Variants in SMYD3 observed in about 807,000 individuals in gnomAD.
SMYD3 encodes SET and MYND domain containing 3, also known as histone-lysine N-methyltransferase SMYD3.
SMYD3 carries 36 observed loss-of-function variants against 57.7 expected under a neutral mutation model. That is an observed-to-expected ratio of 0.62 (90% CI 0.48 to 0.82). The LOEUF (loss-of-function observed/expected upper bound fraction) is 0.82, where lower values mean the gene tolerates loss of function less well. Among genes scored for constraint, SMYD3 ranks in the 40% least tolerant of loss-of-function variants. The probability of loss-of-function intolerance (pLI) is 0.00; values close to 1 mark genes in which losing one functional copy is unlikely to be tolerated. For missense variants in SMYD3, 515 were observed against 538.8 expected (o/e 0.96, Z 0.44); for synonymous variants, 211 against 195.0 (o/e 1.08, Z -0.68).
At chr1:246,085,339 A>T (rs572196074) in intron 5 of SMYD3, among the ~76,000 whole-genome samples, 11 of 152,308 alleles carry the variant, frequency 7.2e-5, no homozygotes, top group African/African-American at 2.6e-4. Flanking sequence ...GGGGTCCAAG[A>T]CATCCTACCC....
chr1:245,755,229 T>TC (rs1385612567), intron 11 of SMYD3, among the ~76,000 whole-genome samples: 1 of 152,254 alleles, frequency 6.6e-6, no homozygotes, highest in Non-Finnish European at 1.5e-5. Context: ...GTTACTGATT[T>TC]CTAATTTAAT....
intron 1 of SMYD3, among the ~76,000 whole-genome samples, chr1:246,412,328 C>T (rs1256713885): frequency 6.6e-6 from 1 of 152,164 alleles, no homozygotes; most frequent in East Asian, 1.9e-4. Flanking sequence ...TTACTTTCTT[C>T]CCTCTTGGCT....
intron 5 of SMYD3, among the ~76,000 whole-genome samples, chr1:246,303,360 C>T (rs2064925918): frequency 6.6e-6 from 1 of 152,122 alleles, no homozygotes; most frequent in Non-Finnish European, 1.5e-5. Flanking sequence ...ATACATTCCT[C>T]CCTCAGTATT....
chr1:245,973,531 G>C (rs1315272119), intron 5 of SMYD3, among the ~76,000 whole-genome samples: 2 of 152,208 alleles, frequency 1.3e-5, no homozygotes, highest in Non-Finnish European at 2.9e-5. Context: ...GTAGCTTATT[G>C]TGTACATGTG....
chr1:245,817,943 G>T (rs2048944923), intron 10 of SMYD3, among the ~76,000 whole-genome samples: 1 of 152,158 alleles, frequency 6.6e-6, no homozygotes, highest in African/African-American at 2.4e-5. Context: ...AAAGTGATGG[G>T]GAGAATGGAA....
At chr1:246,489,112 C>T (rs1030906956) in intron 1 of SMYD3, among the ~76,000 whole-genome samples, 5 of 151,962 alleles carry the variant, frequency 3.3e-5, no homozygotes, top group East Asian at 1.9e-4. Context: ...TGTGGGAGGC[C>T]GAGGCGGGCG....
intron 5 of SMYD3, among the ~76,000 whole-genome samples, chr1:246,288,062 C>CTTTTTTTTTTTTTTTTTT (rs67603439): frequency 9.3e-5 from 6 of 64,208 alleles, no homozygotes; most frequent in African/African-American, 2.0e-4. Context: ...TCAGGTAATT[C>CTTTTTTTTTTTTTTTTTT]TTTTTTTTTT....
intron 5 of SMYD3, among the ~76,000 whole-genome samples, chr1:246,047,294 G>C (rs1384576384): frequency 1.3e-5 from 2 of 152,166 alleles, no homozygotes; most frequent in Non-Finnish European, 2.9e-5. Context: ...AATGATTCTA[G>C]AACAGGGACA....
chr1:246,101,071 GTTTTTTTTT>G (rs754724096), intron 5 of SMYD3, among the ~76,000 whole-genome samples: 1 of 54,072 alleles, frequency 1.8e-5, no homozygotes, highest in East Asian at 5.4e-4. Context: ...GGGGTTTTTT[GTTTTTTTTT>G]TTTTTTTTTT....
At chr1:246,049,507 G>T (rs61841861) in intron 5 of SMYD3, among the ~76,000 whole-genome samples, 1 of 150,396 alleles carries the variant, frequency 6.6e-6, no homozygotes, top group East Asian at 2.0e-4. Context: ...GGGTTTCACC[G>T]TGTTAGCCAG....
intron 10 of SMYD3, among the ~76,000 whole-genome samples, chr1:245,850,832 G>T (rs1265827947): frequency 6.6e-6 from 1 of 152,154 alleles, no homozygotes; most frequent in African/African-American, 2.4e-5. Flanking sequence ...TCCTCTGGTG[G>T]CCAACTAGCA....
chr1:246,028,332 T>G (rs547725222), intron 5 of SMYD3, among the ~76,000 whole-genome samples: 1 of 152,226 alleles, frequency 6.6e-6, no homozygotes, highest in East Asian at 1.9e-4. Flanking sequence ...TAATCCTATA[T>G]ACAGAAAAAT....
chr1:245,809,413 C>G lies in SMYD3; in HGVS notation c.1077-45264G>C, dbSNP rs535910644. On this transcript the variant is annotated intron_variant, in intron 10 of 11. Coordinates refer to ENST00000490107, the MANE Select transcript of SMYD3 (RefSeq NM_001167740.2). ...AATAGCACCCACCTCAGTTGGGACC[C>G]ACAGAGAAAGCAGGAGAGGCGCTTT... Among the ~76,000 whole-genome samples the G allele has an allele frequency of 3.3e-5, 5 of 152,246 alleles. No homozygotes were observed. The East Asian group carries it at 9.6e-4, about 29-fold the overall frequency.
At chr1:246,459,757 A>G (rs2067767084) in intron 1 of SMYD3, among the ~76,000 whole-genome samples, 1 of 152,214 alleles carries the variant, frequency 6.6e-6, no homozygotes, top group South Asian at 2.1e-4. Context: ...CATGGCATAC[A>G]GTAAATATCA....
At chr1:245,811,026 C>T (rs1032067996) in intron 10 of SMYD3, among the ~76,000 whole-genome samples, 1 of 152,214 alleles carries the variant, frequency 6.6e-6, no homozygotes, top group African/African-American at 2.4e-5. Flanking sequence ...ACTGATGCAT[C>T]TTCCAATTCA....
At chr1:245,829,071 CTT>C (rs11291631) in intron 10 of SMYD3, among the ~76,000 whole-genome samples, 19,972 of 130,688 alleles carry the variant, frequency 0.15, 1,619 homozygotes, top group Admixed American at 0.22. Context: ...CTTAGCCTGG[CTT>C]TTTTTTTTTT....
intron 5 of SMYD3, among the ~76,000 whole-genome samples, chr1:246,309,728 CTT>C (rs1413169198): frequency 4.6e-5 from 7 of 152,144 alleles, no homozygotes; most frequent in Non-Finnish European, 1.0e-4. Context: ...GGCCAAGAGT[CTT>C]TACTAGCCAA....
At chr1:245,754,047 C>T (rs992168700) in intron 11 of SMYD3, among the ~76,000 whole-genome samples, 18 of 152,142 alleles carry the variant, frequency 1.2e-4, no homozygotes, top group Admixed American at 1.0e-3. Context: ...GCTACACCCA[C>T]ATCCAGACTC....
At chr1:245,809,154 A>G (rs2048330689) in intron 10 of SMYD3, among the ~76,000 whole-genome samples, 1 of 152,162 alleles carries the variant, frequency 6.6e-6, no homozygotes, top group Non-Finnish European at 1.5e-5. Flanking sequence ...GCTGCTCACT[A>G]CTATCAAACA....
Sources: allele counts gnomAD v4.1 joint callset (sites outside exome capture counted in the v4.1 genomes callset), GRCh38; gene constraint gnomAD v4.1.1; transcripts MANE v1.5; gene names NCBI Gene and HGNC (gene_info 2026-07-23, HGNC 2026-07-21).